TENT5C: variants seen among roughly 807,000 people sequenced by gnomAD.
TENT5C encodes the protein family with sequence similarity 46 member C.
In TENT5C, 5 loss-of-function variants were observed where a neutral mutation model predicts 22.2. The ratio of observed to expected loss-of-function variants is 0.22; its 90% CI spans 0.12 to 0.47. The LOEUF (loss-of-function observed/expected upper bound fraction) is 0.47, where lower values mean the gene tolerates loss of function less well. Among genes scored for constraint, TENT5C ranks in the 20% least tolerant of loss-of-function variants. The pLI, the probability that TENT5C is intolerant of heterozygous loss-of-function variation, is 0.99. For missense variants in TENT5C, 364 were observed against 500.9 expected, an observed-to-expected ratio of 0.73 and a Z score of 2.61; for synonymous variants, 199 against 195.4, an observed-to-expected ratio of 1.02 and a Z score of -0.15.
Position 117,627,454 on chromosome 1 carries a change from T to C in TENT5C, c.*3410T>C, listed in dbSNP as rs1051188441. Reference sequence around the variant, plus strand: ...TCCTTTGTAGTTTACTTTCTGGTACTGGTTGGTGCCTTGTATTGGGATACA... The same window carrying C: ...TCCTTTGTAGTTTACTTTCTGGTACCGGTTGGTGCCTTGTATTGGGATACA... On this transcript the variant is annotated 3_prime_UTR_variant, in exon 2 of 2. Transcript: ENST00000369448. 2 of 248,076 alleles carry C rather than the reference T, an allele frequency of 8.1e-6. No homozygotes were observed. Among genetic ancestry groups the C allele is most frequent in the Admixed American group, 5.6e-5 (1 of 17,792 alleles). 15.4% of individuals were successfully genotyped at this position (248,076 alleles called of 1,614,324 possible).
intron 1 of TENT5C, among the ~76,000 whole-genome samples, chr1:117,615,574 G>A (rs1384424157): frequency 1.3e-5 from 2 of 152,212 alleles, no homozygotes; most frequent in Non-Finnish European, 2.9e-5. Flanking sequence ...GTCACATGTG[G>A]TGTCCCCTGG....
chr1:117,619,271 T>A (rs1281125617), intron 1 of TENT5C, among the ~76,000 whole-genome samples: 1 of 152,170 alleles, frequency 6.6e-6, no homozygotes, highest in African/African-American at 2.4e-5. Context: ...GGTGTCTGAT[T>A]CCCACATATC....
chr1:117,608,755 A>C (rs1423859406), intron 1 of TENT5C, among the ~76,000 whole-genome samples: 3 of 144,796 alleles, frequency 2.1e-5, no homozygotes, highest in African/African-American at 7.7e-5. Flanking sequence ...TCAGTGGATG[A>C]GTTGAACCTT....
rs1010575295 is a variant in TENT5C, at chr1:117,624,106, G to C, written c.*62G>C. On this transcript the variant is annotated 3_prime_UTR_variant, in exon 2 of 2. Coordinates refer to ENST00000369448, the MANE Select transcript of TENT5C (RefSeq NM_017709.4). The stretch of plus-strand genomic sequence containing the variant: ...ATAGGGCTAGGGCTCTCAGGTAGGG[G>C]AGCCTCCTTCTAGATGTAGGCATTT... The C allele has an allele frequency of 8.5e-6, 12 of 1,415,042 alleles. No individual in the cohort carries two copies. In the African/African-American group the frequency reaches 1.6e-4, roughly 19 times the overall value. The allele number at this position is 1,415,042 out of a possible 1,614,324, so 87.7% of individuals were successfully genotyped here.
chr1:117,606,567 AC>A (rs916029789), intron 1 of TENT5C, among the ~76,000 whole-genome samples: 4 of 151,994 alleles, frequency 2.6e-5, no homozygotes, highest in Non-Finnish European at 5.9e-5. Flanking sequence ...GCCCCCCGCC[AC>A]CCATGCCTCC....
intron 1 of TENT5C, among the ~76,000 whole-genome samples, chr1:117,606,556 C>T (rs1009233259): frequency 6.6e-6 from 1 of 152,206 alleles, no homozygotes; most frequent in Non-Finnish European, 1.5e-5. Context: ...GATCAGACGG[C>T]GCCCCCCGCC....
chr1:117,615,743 A>G (rs1025278309), intron 1 of TENT5C, among the ~76,000 whole-genome samples: 1 of 152,080 alleles, frequency 6.6e-6, no homozygotes, highest in Admixed American at 6.5e-5. Context: ...ATGGCAATAT[A>G]TTGTCTTCCT....
chr1:117,610,270 A>C (rs1283245320), intron 1 of TENT5C, among the ~76,000 whole-genome samples: 6 of 151,728 alleles, frequency 4.0e-5, no homozygotes, highest in African/African-American at 1.5e-4. Context: ...GACTGCCTGC[A>C]CCTCTGGAAG....
intron 1 of TENT5C, among the ~76,000 whole-genome samples, chr1:117,615,868 G>A (rs1045766291): frequency 2.6e-5 from 4 of 152,216 alleles, no homozygotes; most frequent in Admixed American, 6.5e-5. Context: ...TCTTTGGTGT[G>A]TATGGTGGGG....
At chr1:117,619,197 G>A (rs1172555685) in intron 1 of TENT5C, among the ~76,000 whole-genome samples, 1 of 152,168 alleles carries the variant, frequency 6.6e-6, no homozygotes, top group African/African-American at 2.4e-5. Context: ...CTATGTCAAA[G>A]AGTATATCTC....
At chr1:117,614,511 T>A (rs34297015) in intron 1 of TENT5C, among the ~76,000 whole-genome samples, 26,493 of 152,148 alleles carry the variant, frequency 0.17, 2,379 homozygotes, top group Admixed American at 0.26. Flanking sequence ...TCAGTTTTGT[T>A]CCAGCTCTCC....
chr1:117,623,501 T>C lies in TENT5C; in HGVS notation c.633T>C (p.Ile211=). 1 of 1,613,634 alleles carries C rather than the reference T, an allele frequency of 6.2e-7. No individual in the cohort carries two copies. Among genetic ancestry groups the C allele is most frequent in the Non-Finnish European group, 8.5e-7 (1 of 1,179,894 alleles). Residue 211 remains isoleucine, a synonymous_variant, in exon 2 of 2, where the codon ATT becomes ATC. Transcript: ENST00000369448. ...PISEHFHPTV[I]GESMYGDFEE... is the part of the protein sequence containing the mutation. ...CTGAGCACTTCCACCCCACCGTGAT[T>C]GGGGAGAGCATGTACGGGGACTTTG...
At chr1:117,613,204 T>TTGTG (rs3835645) in intron 1 of TENT5C, among the ~76,000 whole-genome samples, 1 of 152,100 alleles carries the variant, frequency 6.6e-6, no homozygotes, top group Non-Finnish European at 1.5e-5. Flanking sequence ...CCATTTCAAG[T>TTGTG]TGTGTGTGTA....
chr1:117,610,342 C>T lies in TENT5C; in HGVS notation c.-28+4189C>T, dbSNP rs12025288. Reference sequence around the variant, plus strand: ...TTTACTCTTGACCCACCCTCCACCCCCCATGGCAGAGTCTCCCTAACTGCC... The same window carrying T: ...TTTACTCTTGACCCACCCTCCACCCTCCATGGCAGAGTCTCCCTAACTGCC... On this transcript the variant is annotated intron_variant, in intron 1 of 1. Coordinates refer to ENST00000369448, the MANE Select transcript of TENT5C (RefSeq NM_017709.4). Among the ~76,000 whole-genome samples the T allele has an allele frequency of 2.6e-3, 391 of 152,246 alleles. 10 individuals carry two copies. The East Asian group carries it at 0.063, about 25-fold the overall frequency.
In TENT5C at chr1:117,624,408, C is replaced by T. The variant is rs1467292416; in HGVS notation, c.*364C>T. ...GCAGCGCGTGAGAAGTGCTAAGCTA[C>T]TTGTTTTCTCACTTGAGCCCGGGTA... On this transcript the variant is annotated 3_prime_UTR_variant, in exon 2 of 2. Transcript: ENST00000369448. The T allele has an allele frequency of 3.6e-6, 1 of 277,604 alleles. No homozygotes were observed. Among genetic ancestry groups the T allele is most frequent in the African/African-American group, 2.2e-5 (1 of 46,270 alleles). The allele number at this position is 277,604 out of a possible 1,614,324, so 17.2% of individuals were successfully genotyped here. A position where few individuals can be genotyped will look rare whatever the true frequency, so the allele number is the denominator to read the frequency against.
At chr1:117,622,771 G>A (rs1282948793) in intron 1 of TENT5C, 71 bp from the exon 2 acceptor site, 5 of 1,002,760 alleles carry the variant, frequency 5.0e-6, no homozygotes, top group South Asian at 4.7e-5. Flanking sequence ...AGATTAAACA[G>A]TGTGAGTTCC....
chr1:117,611,016 G>A (rs1456247145), intron 1 of TENT5C, among the ~76,000 whole-genome samples: 1 of 152,142 alleles, frequency 6.6e-6, no homozygotes, highest in East Asian at 1.9e-4. Flanking sequence ...CTCTCAACTT[G>A]TTTAGCCCTT....
intron 1 of TENT5C, among the ~76,000 whole-genome samples, chr1:117,607,990 T>C (rs186487911): frequency 1.3e-4 from 19 of 151,926 alleles, no homozygotes; most frequent in Admixed American, 9.8e-4. Flanking sequence ...ACATATATTC[T>C]CAATAAAGAG....
intron 1 of TENT5C, among the ~76,000 whole-genome samples, chr1:117,613,917 G>A (rs3767814): frequency 0.05 from 7,653 of 152,270 alleles, 251 homozygotes; most frequent in East Asian, 0.11. Flanking sequence ...GGGCATTTAA[G>A]TGGGCAACTG....
Sources: gnomAD v4.1 joint callset for allele counts (sites outside exome capture counted in the v4.1 genomes callset) on GRCh38, gnomAD v4.1.1 for gene constraint, MANE v1.5 for transcripts, NCBI Gene and HGNC (gene_info 2026-07-23, HGNC 2026-07-21) for gene names.